ABCD3: variants seen among roughly 807,000 people sequenced by gnomAD.
ABCD3 encodes the protein ATP-binding cassette sub-family D member 3.
ABCD3 carries 41 observed loss-of-function variants against 105.5 expected under a neutral mutation model. The ratio of observed to expected loss-of-function variants is 0.39; its 90% CI spans 0.30 to 0.50. ABCD3 has a LOEUF of 0.50. Ranked by LOEUF, ABCD3 falls within the 20% of genes least tolerant of loss-of-function variation. The probability of loss-of-function intolerance (pLI) is 0.84; values close to 1 mark genes in which losing one functional copy is unlikely to be tolerated. For missense variants in ABCD3, 622 were observed against 806.3 expected (o/e 0.77, Z 2.77); for synonymous variants, 258 against 269.0 (o/e 0.96, Z 0.40).
intron 13 of ABCD3, among the ~76,000 whole-genome samples, chr1:94,488,398 G>GA (rs1174653940): frequency 2.8e-4 from 43 of 151,062 alleles, no homozygotes. Context: ...ACTTTAATGG[G>GA]AAAAAAAATG....
upstream of ABCD3, among the ~76,000 whole-genome samples, chr1:94,415,050 A>G (rs1256986299): frequency 6.6e-6 from 1 of 152,142 alleles, no homozygotes; most frequent in Non-Finnish European, 1.5e-5. Flanking sequence ...GGGAGGCCTC[A>G]GTTCCTCTCC....
At chr1:94,403,095 T>C in the ABCD3 span, among the ~76,000 whole-genome samples, 2 of 151,990 alleles carry the variant, frequency 1.3e-5, no homozygotes, top group Admixed American at 1.3e-4. Flanking sequence ...AGAATGATGA[T>C]TTCCAATTTC....
chr1:94,411,025 C>G, the ABCD3 span, among the ~76,000 whole-genome samples: 15 of 152,062 alleles, frequency 9.9e-5, no homozygotes, highest in Non-Finnish European at 1.0e-4. Flanking sequence ...AACTACAAAA[C>G]TAAGAAGAAA....
In ABCD3 at chr1:94,477,555, G is replaced by A. The variant is rs145648390; in HGVS notation, c.628-704G>A. On this transcript the variant is annotated intron_variant, in intron 7 of 22. Transcript: ENST00000370214. ...GTGAGCCAAGATCTCCAGCCTGGGT[G>A]ACAGAGCCAGACCCTGTCTCAAAAA... 9.1e-4 allele frequency among the ~76,000 whole-genome samples: 134 copies of A among 147,470 alleles called. 1 individual carries two copies. Among genetic ancestry groups the A allele is most frequent in the African/African-American group, 3.1e-3 (127 of 40,992 alleles).
intron 2 of ABCD3, among the ~76,000 whole-genome samples, chr1:94,459,108 A>AT (rs1489585635): frequency 2.0e-5 from 3 of 150,592 alleles, no homozygotes; most frequent in African/African-American, 7.4e-5. Flanking sequence ...GTGCAGTGGC[A>AT]TGATCATAGC....
chr1:94,503,350 T>C (rs183518965), intron 20 of ABCD3, among the ~76,000 whole-genome samples: 1 of 152,262 alleles, frequency 6.6e-6, no homozygotes, highest in East Asian at 1.9e-4. Context: ...CCATTCCTCT[T>C]AATTAACTGT....
At chr1:94,465,266 G>T (rs1648083853) in intron 3 of ABCD3, among the ~76,000 whole-genome samples, 2 of 152,136 alleles carry the variant, frequency 1.3e-5, no homozygotes, top group South Asian at 4.1e-4. Flanking sequence ...TGAGATTTGG[G>T]TGGAGACAGA....
intron 1 of ABCD3, among the ~76,000 whole-genome samples, chr1:94,425,799 A>AT (rs1267602282): frequency 4.6e-5 from 7 of 152,178 alleles, no homozygotes; most frequent in African/African-American, 7.2e-5. Flanking sequence ...AAAAATGAAC[A>AT]TTTTTTTGTG....
chr1:94,485,767 A>G lies in ABCD3; in HGVS notation c.898-1775A>G, dbSNP rs570151689. On this transcript the variant is annotated intron_variant, in intron 10 of 22. Transcript: ENST00000370214. The stretch of plus-strand genomic sequence containing the variant: ...AACCACACAGATTGAAAATATTCAG[A>G]AAAAGAAATTGTGTCTGTACTTATG... 1.1e-4 allele frequency among the ~76,000 whole-genome samples: 17 copies of G among 152,318 alleles called. No individual in the cohort carries two copies. The South Asian group carries it at 2.9e-3, about 26-fold the overall frequency.
intron 1 of ABCD3, among the ~76,000 whole-genome samples, chr1:94,448,200 T>C (rs1660431541): frequency 6.6e-6 from 1 of 152,132 alleles, no homozygotes. Context: ...GCTACTATGA[T>C]AGGAAACGGG....
chr1:94,439,528 C>G (rs374638227), intron 1 of ABCD3, among the ~76,000 whole-genome samples: 37 of 152,144 alleles, frequency 2.4e-4, no homozygotes, highest in African/African-American at 8.9e-4. Flanking sequence ...TGTGGTCCCA[C>G]CTGCTCAGGA....
chr1:94,470,054 AC>A (rs1297194823), intron 4 of ABCD3, among the ~76,000 whole-genome samples: 9 of 152,034 alleles, frequency 5.9e-5, no homozygotes, highest in South Asian at 2.1e-4. Flanking sequence ...GAATTAAATA[AC>A]CTGTTTCTGG....
chr1:94,448,945 A>ATT (rs34196446), intron 1 of ABCD3, among the ~76,000 whole-genome samples: 4 of 152,102 alleles, frequency 2.6e-5, no homozygotes, highest in Non-Finnish European at 4.4e-5. Context: ...TTAACTTTAA[A>ATT]TTTTTTTTAG....
chr1:94,395,298 T>C, the ABCD3 span, among the ~76,000 whole-genome samples: 2 of 152,208 alleles, frequency 1.3e-5, no homozygotes, highest in African/African-American at 4.8e-5. Context: ...GAAGGTGCTG[T>C]TCACAGACAT....
intron 1 of ABCD3, among the ~76,000 whole-genome samples, chr1:94,425,068 T>G (rs1361712998): frequency 6.6e-6 from 1 of 152,144 alleles, no homozygotes; most frequent in Non-Finnish European, 1.5e-5. Flanking sequence ...TTTAGTATAT[T>G]TATGAGCTCT....
chr1:94,476,829 A>G (rs1648765813), intron 7 of ABCD3, among the ~76,000 whole-genome samples: 1 of 152,088 alleles, frequency 6.6e-6, no homozygotes, highest in African/African-American at 2.4e-5. Flanking sequence ...CAAATAGTTC[A>G]GTAATTAAGC....
At chr1:94,390,834 C>G in the ABCD3 span, among the ~76,000 whole-genome samples, 2 of 152,196 alleles carry the variant, frequency 1.3e-5, no homozygotes, top group South Asian at 2.1e-4. Context: ...AAGGTTAGAT[C>G]TAACAGATCC....
In ABCD3 at chr1:94,453,042, T is replaced by C. The variant is rs149458494; in HGVS notation, c.111-5565T>C. On this transcript the variant is annotated intron_variant, in intron 1 of 22. Coordinates refer to ENST00000370214, the MANE Select transcript of ABCD3 (RefSeq NM_002858.4). ...GTCTGGCCTTCCAAAGTGCTCGGCCTTCCAAAGTGCAGGTGTGAGCCCGCC... is the reference window on the plus strand; with the variant it reads ...GTCTGGCCTTCCAAAGTGCTCGGCCCTCCAAAGTGCAGGTGTGAGCCCGCC... Among the ~76,000 whole-genome samples the C allele has an allele frequency of 2.2e-4, 33 of 152,310 alleles. No homozygotes were observed. The East Asian group carries it at 5.6e-3, about 26-fold the overall frequency.
intron 7 of ABCD3, among the ~76,000 whole-genome samples, chr1:94,476,823 T>C (rs1008976913): frequency 2.2e-4 from 33 of 152,086 alleles, no homozygotes; most frequent in African/African-American, 8.0e-4. Flanking sequence ...CAACTACAAA[T>C]AGTTCAGTAA....
Sources: allele counts gnomAD v4.1 joint callset (sites outside exome capture counted in the v4.1 genomes callset), GRCh38; gene constraint gnomAD v4.1.1; transcripts MANE v1.5; gene names NCBI Gene and HGNC (gene_info 2026-07-23, HGNC 2026-07-21).